Variants in RNF115 observed in about 807,000 individuals in gnomAD.
RNF115 encodes ring finger protein 115.
Under a neutral mutation model 39.2 loss-of-function variants are expected in RNF115, and 31 were observed. The observed-to-expected ratio is 0.79, with a 90% CI of 0.59 to 1.07. The LOEUF is 1.07. RNF115 is among the 50% of genes least tolerant of loss of function. The pLI is 0.00. For missense variants in RNF115, 384 were observed against 381.7 expected, an observed-to-expected ratio of 1.01 and a Z score of -0.05; for synonymous variants, 124 against 131.0, an observed-to-expected ratio of 0.95 and a Z score of 0.37.
chr1:145,754,731 C>T (rs1658233794), intron 4 of RNF115, among the ~76,000 whole-genome samples: 1 of 152,172 alleles, frequency 6.6e-6, no homozygotes, highest in Non-Finnish European at 1.5e-5. Flanking sequence ...CTCTCTAATC[C>T]ACCCCCTCTG....
intron 4 of RNF115, among the ~76,000 whole-genome samples, chr1:145,766,249 G>A (rs191351983): frequency 7.4e-4 from 113 of 151,946 alleles, no homozygotes; most frequent in Non-Finnish European, 1.4e-3. Context: ...ATCTTGCACC[G>A]CCCTTAATCC....
intron 4 of RNF115, among the ~76,000 whole-genome samples, chr1:145,753,588 A>G (rs12750384): frequency 0.28 from 43,133 of 152,190 alleles, 7,135 homozygotes; most frequent in Non-Finnish European, 0.37. Flanking sequence ...AATACTTAAG[A>G]TGGCACAGGT....
intron 1 of RNF115, among the ~76,000 whole-genome samples, chr1:145,815,299 T>C (rs1429503732): frequency 1.3e-5 from 2 of 152,310 alleles, no homozygotes; most frequent in Non-Finnish European, 2.9e-5. Flanking sequence ...TACTACATAG[T>C]TTCTTCAGGT....
intron 1 of RNF115, among the ~76,000 whole-genome samples, chr1:145,799,137 G>T (rs587662506): frequency 1.3e-4 from 19 of 151,180 alleles, no homozygotes; most frequent in African/African-American, 4.6e-4. Context: ...GCGCAATCTC[G>T]GCTCACTGCA....
At chr1:145,754,990 A>T (rs1658243968) in intron 4 of RNF115, among the ~76,000 whole-genome samples, 1 of 152,092 alleles carries the variant, frequency 6.6e-6, no homozygotes, top group Non-Finnish European at 1.5e-5. Flanking sequence ...TCTTGCCTAT[A>T]ATCCCAGAAC....
At chr1:145,754,659 G>C (rs1553712934) in intron 4 of RNF115, among the ~76,000 whole-genome samples, 3 of 152,094 alleles carry the variant, frequency 2.0e-5, no homozygotes, top group Admixed American at 6.5e-5. Flanking sequence ...ATTAACTACT[G>C]TCACCCACGT....
Position 145,743,650 on chromosome 1 carries a change from A to T in RNF115, c.*3216T>A, listed in dbSNP as rs1162339899. 6.6e-6 allele frequency: 1 copy of T among 151,928 alleles called. No individual in the cohort carries two copies. Among genetic ancestry groups the T allele is most frequent in the African/African-American group, 2.4e-5 (1 of 41,356 alleles). The allele number at this position is 151,928 out of a possible 1,614,324, so 9.4% of individuals were successfully genotyped here. The stretch of plus-strand genomic sequence containing the variant: ...TAAAAAATTAGCTGGGCATGGTGGC[A>T]GGTGCCTGTAATCCCAGCTGCTTGG... On this transcript the variant is annotated 3_prime_UTR_variant, in exon 9 of 9. Coordinates refer to ENST00000582693, the MANE Select transcript of RNF115 (RefSeq NM_014455.4).
chr1:145,788,806 TAG>T, intron 2 of RNF115, 100 bp downstream of exon 2: 1 of 845,912 alleles, frequency 1.2e-6, no homozygotes, highest in Non-Finnish European at 2.0e-6. Context: ...GCTCTCTCTG[TAG>T]AGTGTAAGTT....
At chr1:145,811,287 C>CAAGGAG (rs1187099046) in intron 1 of RNF115, among the ~76,000 whole-genome samples, 1 of 137,274 alleles carries the variant, frequency 7.3e-6, no homozygotes, top group East Asian at 2.1e-4. Context: ...TTTGGGAGGC[C>CAAGGAG]AAGGAGGAGG....
intron 1 of RNF115, among the ~76,000 whole-genome samples, chr1:145,793,336 A>G (rs1648766219): frequency 6.6e-6 from 1 of 152,202 alleles, no homozygotes; most frequent in Admixed American, 6.5e-5. Context: ...TAACAATAAT[A>G]TATGCAAATA....
chr1:145,823,381 A>C (rs1650378411), intron 1 of RNF115, among the ~76,000 whole-genome samples: 1 of 141,586 alleles, frequency 7.1e-6, no homozygotes, highest in Admixed American at 7.2e-5. Flanking sequence ...AAAAGTGGAA[A>C]AGAACACAGA....
chr1:145,787,375 C>G (rs1357742145), intron 2 of RNF115, among the ~76,000 whole-genome samples: 1 of 151,794 alleles, frequency 6.6e-6, no homozygotes, highest in Non-Finnish European at 1.5e-5. Context: ...ACTTCAAGAC[C>G]AGCCTGGCAA....
At chr1:145,823,592 T>A (rs1650409242) in intron 1 of RNF115, among the ~76,000 whole-genome samples, 180 bp downstream of exon 1, 2 of 151,450 alleles carry the variant, frequency 1.3e-5, no homozygotes, top group East Asian at 3.9e-4. Flanking sequence ...GGGCAGGAGG[T>A]ACGGGGCCGA....
intron 1 of RNF115, among the ~76,000 whole-genome samples, chr1:145,795,490 T>C (rs1341343354): frequency 4.6e-5 from 7 of 152,144 alleles, no homozygotes; most frequent in Non-Finnish European, 1.0e-4. Flanking sequence ...TGGTACATTT[T>C]TACAGAGTGC....
At chr1:145,747,428 G>T (rs1292896592) in intron 8 of RNF115, among the ~76,000 whole-genome samples, 1 of 152,126 alleles carries the variant, frequency 6.6e-6, no homozygotes, top group East Asian at 1.9e-4. Context: ...GAGGCAGGTG[G>T]ATCACCTGAG....
intron 3 of RNF115, among the ~76,000 whole-genome samples, chr1:145,775,767 G>A (rs188672086): frequency 2.6e-5 from 4 of 151,846 alleles, no homozygotes; most frequent in African/African-American, 9.7e-5. Flanking sequence ...CTAAGGCGGT[G>A]GGGGGGATCA....
At chr1:145,812,122 C>T (rs1649753548) in intron 1 of RNF115, among the ~76,000 whole-genome samples, 2 of 146,352 alleles carry the variant, frequency 1.4e-5, no homozygotes, top group African/African-American at 4.9e-5. Context: ...TAAGAAAGAG[C>T]ATGTAACTAT....
At chr1:145,812,020 G>A (rs1229321923) in intron 1 of RNF115, among the ~76,000 whole-genome samples, 1 of 142,308 alleles carries the variant, frequency 7.0e-6, no homozygotes, top group Non-Finnish European at 1.6e-5. Context: ...TATAAGAAGA[G>A]GGCACTGAAT....
At chr1:145,801,190 A>G in intron 1 of RNF115, among the ~76,000 whole-genome samples, 1 of 152,330 alleles carries the variant, frequency 6.6e-6, no homozygotes, top group Non-Finnish European at 1.5e-5. Flanking sequence ...TCAAAAAAAA[A>G]GAAAAAGAAA....
Sources: gnomAD v4.1 joint callset for allele counts (sites outside exome capture counted in the v4.1 genomes callset) on GRCh38, gnomAD v4.1.1 for gene constraint, MANE v1.5 for transcripts, NCBI Gene and HGNC (gene_info 2026-07-23, HGNC 2026-07-21) for gene names.